The following ARAP2 variants were observed in gnomAD, a reference collection of about 807,000 sequenced individuals.
The protein encoded by ARAP2 is arf-GAP with Rho-GAP domain, ANK repeat and PH domain-containing protein 2.
ARAP2 carries 148 observed loss-of-function variants against 194.5 expected under a neutral mutation model. That is an observed-to-expected ratio of 0.76 (90% CI 0.67 to 0.87). The LOEUF (loss-of-function observed/expected upper bound fraction) is 0.87. Ranked by LOEUF, ARAP2 falls within the 40% of genes least tolerant of loss-of-function variation. The pLI, the probability that ARAP2 is intolerant of heterozygous loss-of-function variation, is 0.00. For missense variants in ARAP2, 2,128 were observed against 1,989.7 expected (o/e 1.07, Z -1.32); for synonymous variants, 695 against 683.5 (o/e 1.02, Z -0.26).
rs1321878796 is a variant in ARAP2, at chr4:36,138,288, C to T, written c.3264-4899G>A. 4.6e-5 allele frequency among the ~76,000 whole-genome samples: 7 copies of T among 151,642 alleles called. No homozygotes were observed. The South Asian group carries it at 6.2e-4, about 13-fold the overall frequency. On this transcript the variant is annotated intron_variant, in intron 19 of 32. Coordinates refer to ENST00000303965, the MANE Select transcript of ARAP2 (RefSeq NM_015230.4). ...TGAAATATTTTTGCAAATGTGTACACTTGTGTAACTACCACCATGATTAAT... is the reference window on the plus strand; with the variant it reads ...TGAAATATTTTTGCAAATGTGTACATTTGTGTAACTACCACCATGATTAAT...
At chr4:36,128,849 G>A in intron 20 of ARAP2, 104 bp from the exon 21 acceptor site, 1 of 901,646 alleles carries the variant, frequency 1.1e-6, no homozygotes, top group Non-Finnish European at 1.7e-6. Flanking sequence ...AGAAGATGAT[G>A]AAATCATTAC....
At chr4:36,229,865 A>C (rs1449917669) in intron 1 of ARAP2, among the ~76,000 whole-genome samples, 1 of 152,210 alleles carries the variant, frequency 6.6e-6, no homozygotes, top group Admixed American at 6.5e-5. Flanking sequence ...ACTTTCAAAA[A>C]GGTGAAAAAA....
intron 15 of ARAP2, among the ~76,000 whole-genome samples, chr4:36,151,258 A>G (rs1730903293): frequency 6.6e-6 from 1 of 152,348 alleles, no homozygotes; most frequent in East Asian, 1.9e-4. Context: ...AGGAATGTAC[A>G]AAACAAAAAT....
chr4:36,079,510 T>C (rs1030566026), intron 31 of ARAP2, among the ~76,000 whole-genome samples: 1 of 152,138 alleles, frequency 6.6e-6, no homozygotes, highest in African/African-American at 2.4e-5. Flanking sequence ...ATGAGAAGCA[T>C]TATTGGGAAT....
intron 5 of ARAP2, among the ~76,000 whole-genome samples, chr4:36,042,315 T>G (rs191399825): frequency 5.9e-5 from 9 of 152,354 alleles, no homozygotes; most frequent in Non-Finnish European, 1.2e-4. Context: ...GGTCATTAAG[T>G]GCTGATTAGA....
At chr4:36,164,050 G>A (rs537200323) in intron 11 of ARAP2, among the ~76,000 whole-genome samples, 6 of 152,284 alleles carry the variant, frequency 3.9e-5, no homozygotes, top group African/African-American at 1.4e-4. Flanking sequence ...CATTCTCACT[G>A]AAGCCTGTAT....
intron 2 of ARAP2, among the ~76,000 whole-genome samples, chr4:36,224,206 C>A (rs1020155645): frequency 1.4e-5 from 2 of 141,440 alleles, no homozygotes; most frequent in Non-Finnish European, 3.1e-5. Flanking sequence ...CATCATTTCA[C>A]AAAATGTTAA....
intron 27 of ARAP2, among the ~76,000 whole-genome samples, chr4:36,097,465 G>A (rs1266754363): frequency 6.6e-6 from 1 of 152,062 alleles, no homozygotes. Flanking sequence ...AACTCTATAT[G>A]TAACAAAATG....
intron 3 of ARAP2, among the ~76,000 whole-genome samples, chr4:36,048,921 G>A (rs1437336030): frequency 6.6e-6 from 1 of 152,078 alleles, no homozygotes; most frequent in Non-Finnish European, 1.5e-5. Context: ...TCTGACTGGT[G>A]TAAGATGGTA....
intron 1 of ARAP2, among the ~76,000 whole-genome samples, chr4:36,059,425 C>T (rs1361647002): frequency 6.6e-6 from 1 of 152,166 alleles, no homozygotes; most frequent in Non-Finnish European, 1.5e-5. Context: ...TGAATGCCAG[C>T]TTTGCCAATC....
At chr4:36,127,226 A>G (rs1008825464) in intron 21 of ARAP2, among the ~76,000 whole-genome samples, 1 of 152,100 alleles carries the variant, frequency 6.6e-6, no homozygotes, top group Admixed American at 6.6e-5. Context: ...ATACATTTCA[A>G]TACAATTTCT....
rs1469288253 is a variant in ARAP2 at position 36,067,058 on chromosome 4, T to C, written c.*849A>G. The C allele has an allele frequency of 5.9e-5, 9 of 152,332 alleles. No individual in the cohort carries two copies. Among genetic ancestry groups the C allele is most frequent in the Admixed American group, 5.2e-4 (8 of 15,308 alleles). The allele number at this position is 152,332 out of a possible 1,614,324, so 9.4% of individuals were successfully genotyped here. On this transcript the variant is annotated 3_prime_UTR_variant, in exon 33 of 33. Coordinates refer to ENST00000303965, the MANE Select transcript of ARAP2 (RefSeq NM_015230.4). ...AAAAAGACAAAATGCTTGCATACAATGACAGTGCAATCAGCATCCAGGCCA... is the reference window on the plus strand; with the variant it reads ...AAAAAGACAAAATGCTTGCATACAACGACAGTGCAATCAGCATCCAGGCCA...
intron 19 of ARAP2, among the ~76,000 whole-genome samples, chr4:36,138,034 T>C (rs1727260470): frequency 6.6e-6 from 1 of 151,740 alleles, no homozygotes; most frequent in Non-Finnish European, 1.5e-5. Flanking sequence ...TTGAAAAGCA[T>C]CCTAGGCATG....
chr4:36,125,913 T>C (rs185835668), intron 21 of ARAP2, among the ~76,000 whole-genome samples: 56 of 152,158 alleles, frequency 3.7e-4, no homozygotes, highest in African/African-American at 1.3e-3. Context: ...ACCTCTTCTA[T>C]TCACAGAAAA....
At chr4:36,157,329 A>G (rs1732794338) in intron 15 of ARAP2, 1 of 152,112 alleles carries the variant, frequency 6.6e-6, no homozygotes, top group Non-Finnish European at 1.5e-5. Flanking sequence ...TCATCTTCTG[A>G]TCACTTATCT....
intron 5 of ARAP2, among the ~76,000 whole-genome samples, chr4:36,039,894 G>C (rs955273252): frequency 2.6e-5 from 4 of 152,096 alleles, no homozygotes; most frequent in South Asian, 2.1e-4. Context: ...AGTTTGGTTA[G>C]GGCTGCCAAG....
downstream of ARAP2, among the ~76,000 whole-genome samples, chr4:36,062,353 CAG>C (rs1282482661): frequency 3.3e-5 from 5 of 152,068 alleles, no homozygotes; most frequent in Non-Finnish European, 5.9e-5. Flanking sequence ...AAGTTAAAAC[CAG>C]GTACTGTGAG....
rs1272542527 is a variant in ARAP2 at position 36,165,044 on chromosome 4, A to G, written c.2043T>C (p.Thr681=). The G allele has an allele frequency of 6.2e-7, 1 of 1,614,052 alleles. No individual in the cohort carries two copies. The highest frequency in any genetic ancestry group is 1.3e-5 in the African/African-American group (1 of 75,040). The stretch of plus-strand genomic sequence containing the variant: ...TCTCAGCTACTTCATAATCAGAGAG[A>G]GTTTCTGCTATTGATTGCTGCACAG... ...IEAVQQSIAE[T]LSDYEVAEKI... The change falls in exon 11 of 33, where the codon ACT becomes ACC. Residue 681 remains threonine, a synonymous_variant. Coordinates refer to ENST00000303965, the MANE Select transcript of ARAP2 (RefSeq NM_015230.4).
rs75155324 is a variant in ARAP2 at position 36,210,541 on chromosome 4, C to A, written c.1336G>T (p.Val446Phe). 6.2e-7 allele frequency: 1 copy of A among 1,613,852 alleles called. No individual in the cohort carries two copies. The highest frequency in any genetic ancestry group is 1.1e-5 in the South Asian group (1 of 91,074). Residue 446 changes from valine to phenylalanine, a missense_variant, in exon 6 of 33, where the codon GTT becomes TTT. Physicochemically the swap from Val to Phe is conservative, Grantham distance 50 (BLOSUM62 -1). Transcript: ENST00000303965. ...CTTAACGGATAACTGTGCCTATTAACGGAGTCCAAAATCAAGGCTTTTTGA... is the reference window on the plus strand; with the variant it reads ...CTTAACGGATAACTGTGCCTATTAAAGGAGTCCAAAATCAAGGCTTTTTGA... ...RTQKALILDS[V>F]NRHSYPLSST... is the part of the protein sequence containing the mutation.
Sources: gnomAD v4.1 joint callset for allele counts (sites outside exome capture counted in the v4.1 genomes callset) on GRCh38, gnomAD v4.1.1 for gene constraint, MANE v1.5 for transcripts, NCBI Gene and HGNC (gene_info 2026-07-23, HGNC 2026-07-21) for gene names.